Variants in AUTS2 observed in about 807,000 individuals in gnomAD.
AUTS2 encodes the protein activator of transcription and developmental regulator AUTS2, also known as autism susceptibility gene 2 protein.
Under a neutral mutation model 112.4 loss-of-function variants are expected in AUTS2, and 17 were observed. The ratio of observed to expected loss-of-function variants is 0.15; its 90% CI spans 0.10 to 0.23. The LOEUF (loss-of-function observed/expected upper bound fraction) is 0.23. Among genes scored for constraint, AUTS2 ranks in the 10% least tolerant of loss-of-function variants. AUTS2 has a pLI of 1.00. For missense variants in AUTS2, 1,510 were observed against 1,701.6 expected (o/e 0.89, Z 1.98); for synonymous variants, 751 against 702.7 (o/e 1.07, Z -1.09).
At chr7:69,621,065 C>G (rs1793631804) in intron 1 of AUTS2, among the ~76,000 whole-genome samples, 1 of 152,082 alleles carries the variant, frequency 6.6e-6, no homozygotes, top group Non-Finnish European at 1.5e-5. Context: ...AGTATTGATG[C>G]AAAAATGATA....
intron 4 of AUTS2, among the ~76,000 whole-genome samples, chr7:70,183,497 C>T (rs1809433115): frequency 6.6e-6 from 1 of 152,240 alleles, no homozygotes; most frequent in Non-Finnish European, 1.5e-5. Flanking sequence ...GGCCCTTAGT[C>T]CTTCTCTGCA....
At chr7:70,311,183 C>T (rs1789732826) in intron 4 of AUTS2, among the ~76,000 whole-genome samples, 1 of 152,078 alleles carries the variant, frequency 6.6e-6, no homozygotes, top group Admixed American at 6.6e-5. Flanking sequence ...TCTTATTGTA[C>T]TCATCTGTAG....
chr7:69,751,231 T>A (rs1345070931), intron 1 of AUTS2, among the ~76,000 whole-genome samples: 1 of 152,202 alleles, frequency 6.6e-6, no homozygotes, highest in East Asian at 1.9e-4. Flanking sequence ...GTCTGATAAA[T>A]AACAGCCTAA....
intron 2 of AUTS2, among the ~76,000 whole-genome samples, chr7:70,079,458 C>T (rs1376639201): frequency 6.6e-6 from 1 of 151,972 alleles, no homozygotes; most frequent in African/African-American, 2.4e-5. Context: ...GCTGAGATGG[C>T]ACCACTGCAC....
At chr7:69,604,993 A>G (rs943312506) in intron 1 of AUTS2, among the ~76,000 whole-genome samples, 1 of 152,246 alleles carries the variant, frequency 6.6e-6, no homozygotes, top group Non-Finnish European at 1.5e-5. Context: ...AGACAAAATT[A>G]AATGGATGCC....
intron 1 of AUTS2, among the ~76,000 whole-genome samples, chr7:69,843,560 AATGTTAAGT>A (rs1271923694): frequency 6.6e-6 from 1 of 152,200 alleles, no homozygotes; most frequent in African/African-American, 2.4e-5. Flanking sequence ...AATGAGTAAA[AATGTTAAGT>A]GGCGAATAAA....
intron 2 of AUTS2, among the ~76,000 whole-genome samples, chr7:70,102,041 A>G (rs975227787): frequency 3.9e-5 from 6 of 152,110 alleles, no homozygotes; most frequent in Non-Finnish European, 7.4e-5. Context: ...ATTTTGGTTT[A>G]AAGACTTCAT....
intron 4 of AUTS2, among the ~76,000 whole-genome samples, chr7:70,155,842 G>A (rs374134896): frequency 3.3e-5 from 5 of 152,140 alleles, no homozygotes; most frequent in Admixed American, 6.5e-5. Flanking sequence ...AGAGGAGCCC[G>A]TGTGAGTTCA....
chr7:69,901,611 G>C (rs1017382436), intron 2 of AUTS2, among the ~76,000 whole-genome samples: 1 of 152,174 alleles, frequency 6.6e-6, no homozygotes, highest in African/African-American at 2.4e-5. Context: ...TGAAAAGCAA[G>C]TATTTTGACT....
chr7:69,967,069 C>T (rs1797661439), intron 2 of AUTS2, among the ~76,000 whole-genome samples: 1 of 152,114 alleles, frequency 6.6e-6, no homozygotes, highest in Non-Finnish European at 1.5e-5. Context: ...TTCTTATTCA[C>T]TATTTGCTAA....
At chr7:70,281,097 T>C (rs1788193854) in intron 4 of AUTS2, among the ~76,000 whole-genome samples, 1 of 152,220 alleles carries the variant, frequency 6.6e-6, no homozygotes, top group African/African-American at 2.4e-5. Context: ...ATCCAAACTA[T>C]GAACTTTATG....
At chr7:69,808,411 A>G (rs1790403231) in intron 1 of AUTS2, among the ~76,000 whole-genome samples, 1 of 152,210 alleles carries the variant, frequency 6.6e-6, no homozygotes, top group African/African-American at 2.4e-5. Context: ...AAGTAAATGA[A>G]TGCTATCATG....
chr7:70,191,726 T>C, intron 4 of AUTS2, among the ~76,000 whole-genome samples: 1 of 152,182 alleles, frequency 6.6e-6, no homozygotes. Context: ...GTAACCATTT[T>C]AATTGCTCTG....
At chr7:70,241,131 G>T (rs1812589906) in intron 4 of AUTS2, among the ~76,000 whole-genome samples, 1 of 152,124 alleles carries the variant, frequency 6.6e-6, no homozygotes, top group African/African-American at 2.4e-5. Flanking sequence ...TCATGGTCCT[G>T]CCTGAAATCT....
At chr7:70,173,720 G>T (rs766449759) in intron 4 of AUTS2, among the ~76,000 whole-genome samples, 2 of 152,114 alleles carry the variant, frequency 1.3e-5, no homozygotes, top group African/African-American at 2.4e-5. Flanking sequence ...GGTAATTCTT[G>T]CACTATTTCA....
At chr7:70,369,073 C>T (rs1466539333) in intron 4 of AUTS2, among the ~76,000 whole-genome samples, 3 of 152,070 alleles carry the variant, frequency 2.0e-5, no homozygotes, top group African/African-American at 7.2e-5. Flanking sequence ...AATAATTTTC[C>T]CAAGAGAGCG....
chr7:70,228,995 TTCTC>T (rs1183512516), intron 4 of AUTS2, among the ~76,000 whole-genome samples: 3 of 151,918 alleles, frequency 2.0e-5, no homozygotes, highest in Non-Finnish European at 4.4e-5. Context: ...ACTATATTCT[TTCTC>T]TCTTTCTTTG....
At chr7:70,770,906 C>A (rs1348506972) in intron 10 of AUTS2, among the ~76,000 whole-genome samples, 1 of 152,182 alleles carries the variant, frequency 6.6e-6, no homozygotes, top group Non-Finnish European at 1.5e-5. Context: ...GACAAATTGG[C>A]AGCTCCATTT....
At chr7:70,479,033 C>CTT (rs58971469) in intron 5 of AUTS2, among the ~76,000 whole-genome samples, 2 of 146,346 alleles carry the variant, frequency 1.4e-5, no homozygotes, top group African/African-American at 2.5e-5. Context: ...ACCCAGTCTA[C>CTT]TTTTTTTTTT....
Sources: gnomAD v4.1 joint callset for allele counts (sites outside exome capture counted in the v4.1 genomes callset) on GRCh38, gnomAD v4.1.1 for gene constraint, MANE v1.5 for transcripts, NCBI Gene and HGNC (gene_info 2026-07-23, HGNC 2026-07-21) for gene names.